The following RABGEF1 variants were observed in gnomAD, a reference collection of about 807,000 sequenced individuals.
RABGEF1 encodes the protein RAB guanine nucleotide exchange factor 1, also known as rab5 GDP/GTP exchange factor.
Under a neutral mutation model 57.3 loss-of-function variants are expected in RABGEF1, and 26 were observed. The observed-to-expected ratio is 0.45, with a 90% confidence interval of 0.33 to 0.63. The LOEUF (loss-of-function observed/expected upper bound fraction) is 0.63, where lower values mean the gene tolerates loss of function less well. RABGEF1 is among the 20% of genes least tolerant of loss of function. RABGEF1 has a pLI of 0.02. For synonymous variants in RABGEF1, 185 were observed against 210.7 expected (o/e 0.88, Z 1.06); for missense variants, 464 against 607.6 (o/e 0.76, Z 2.48).
chr7:66,691,340 T>G (rs1175620688), intron 1 of RABGEF1, among the ~76,000 whole-genome samples: 1 of 152,082 alleles, frequency 6.6e-6, no homozygotes, highest in African/African-American at 2.4e-5. Flanking sequence ...CAAAGCAGCT[T>G]TATTCCTAAA....
At chr7:66,756,158 G>A in intron 1 of RABGEF1, 3 of 877,854 alleles carry the variant, frequency 3.4e-6, no homozygotes, top group Non-Finnish European at 5.0e-6. Context: ...AGCAAAATCA[G>A]TTATTCAAAG....
chr7:66,741,839 G>GT (rs1415993648), intron 1 of RABGEF1, among the ~76,000 whole-genome samples: 5 of 152,136 alleles, frequency 3.3e-5, no homozygotes, highest in Non-Finnish European at 7.4e-5. Flanking sequence ...TTTAACTGCT[G>GT]TTAAAGAGTG....
At position 66,805,289 on chromosome 7, in the gene RABGEF1, T is replaced by C. The variant is rs748318404; in HGVS notation, c.970T>C (p.Leu324=). The C allele has an allele frequency of 3.1e-5, 50 of 1,614,164 alleles. No homozygotes were observed. The highest frequency in any genetic ancestry group is 4.2e-5 in the Non-Finnish European group (49 of 1,180,016). Residue 324 remains leucine (L), a synonymous_variant, in exon 8 of 9, where the codon TTG becomes CTG. Transcript: ENST00000284957. ...DFLPTLIYIV[L]KGNPPRLQSN... Reference sequence around the variant, plus strand: ...CCTCCCCACCCTCATCTACATTGTTTTGAAGGGCAACCCCCCACGCCTTCA... The same window carrying C: ...CCTCCCCACCCTCATCTACATTGTTCTGAAGGGCAACCCCCCACGCCTTCA...
Position 66,783,752 on chromosome 7 carries a change from T to C in RABGEF1, c.424T>C (p.Phe142Leu). 1 of 1,613,646 alleles carries C rather than the reference T, an allele frequency of 6.2e-7. No individual in the cohort carries two copies. Among genetic ancestry groups the C allele is most frequent in the Non-Finnish European group, 8.5e-7 (1 of 1,179,708 alleles). Residue 142 changes from phenylalanine to leucine, a missense_variant, in exon 4 of 9, where the codon TTC becomes CTC. This residue lies in a region of RABGEF1 where 284 missense variants were observed against 389.9 expected (regional missense o/e 0.73). Coordinates refer to ENST00000284957, the MANE Select transcript of RABGEF1 (RefSeq NM_014504.3). ...TGAAACGGATAGAGTGTCTAAGGAG[T>C]TCATAGAATTTCTCAAGACCTTCCA... Reference protein sequence around the residue: ...SIETDRVSKEFIEFLKTFHKT... With the variant: ...SIETDRVSKELIEFLKTFHKT...
intron 1 of RABGEF1, chr7:66,749,200 ATTGCCTGTATT>A (rs1800873897): frequency 6.6e-6 from 1 of 152,350 alleles, no homozygotes; most frequent in Admixed American, 6.5e-5. Context: ...AGTAAGTTGT[ATTGCCTGTATT>A]TTGCTCCAGC....
At chr7:66,776,200 G>T (rs1808488734) in intron 3 of RABGEF1, among the ~76,000 whole-genome samples, 1 of 152,176 alleles carries the variant, frequency 6.6e-6, no homozygotes, top group African/African-American at 2.4e-5. Context: ...TGTTCTCTGG[G>T]AGCCCCCTCA....
intron 1 of RABGEF1, among the ~76,000 whole-genome samples, chr7:66,708,538 C>T (rs865912763): frequency 1.3e-5 from 2 of 152,314 alleles, no homozygotes; most frequent in Middle Eastern, 3.4e-3. Context: ...ATCCGTCCAC[C>T]TCTACCTCCC....
chr7:66,801,329 T>C (rs1289872694), intron 7 of RABGEF1, among the ~76,000 whole-genome samples: 1 of 152,230 alleles, frequency 6.6e-6, no homozygotes, highest in Non-Finnish European at 1.5e-5. Flanking sequence ...TAATGAGTGG[T>C]AATTACCTTA....
At position 66,690,100 on chromosome 7, in the gene RABGEF1, CTTTTTTT is replaced by C. The variant is rs892888858; in HGVS notation, c.-873+7855_-873+7861del. 3.9e-3 allele frequency among the ~76,000 whole-genome samples: 480 copies of C among 124,208 alleles called. 1 individual carries two copies. Among genetic ancestry groups the C allele is most frequent in the Non-Finnish European group, 5.7e-3 (335 of 58,856 alleles). The allele number at this position is 124,208 out of a possible 152,430, so 81.5% of individuals were successfully genotyped here. A position where few individuals can be genotyped will look rare whatever the true frequency, so the allele number is the denominator to read the frequency against. ...TGTTTATAAACATTGATAAAAAATTCTTTTTTTTTTTTTTTTTTTGAGACGGAGTCTC... is the reference window on the plus strand; with the variant it reads ...TGTTTATAAACATTGATAAAAAATTCTTTTTTTTTTTTGAGACGGAGTCTC... On this transcript the variant is annotated intron_variant and NMD_transcript_variant, in intron 1 of 9. Transcript: ENST00000607882.
At chr7:66,802,150 C>G (rs1356596837) in intron 7 of RABGEF1, among the ~76,000 whole-genome samples, 1 of 152,156 alleles carries the variant, frequency 6.6e-6, no homozygotes, top group East Asian at 1.9e-4. Flanking sequence ...AGACTCACCT[C>G]CCTAAGTTAC....
At chr7:66,697,112 GT>G (rs1792468478) in intron 1 of RABGEF1, among the ~76,000 whole-genome samples, 1 of 152,180 alleles carries the variant, frequency 6.6e-6, no homozygotes, top group East Asian at 1.9e-4. Flanking sequence ...AGTCATGGTG[GT>G]GAGGGTGGAG....
chr7:66,729,680 C>T (rs1797084643), intron 2 of RABGEF1, among the ~76,000 whole-genome samples: 1 of 152,220 alleles, frequency 6.6e-6, no homozygotes, highest in Admixed American at 6.5e-5. Flanking sequence ...GCCACCATCA[C>T]CCATCCAGTC....
At chr7:66,673,628 G>A in the RABGEF1 span, among the ~76,000 whole-genome samples, 912 of 151,456 alleles carry the variant, frequency 6.0e-3, 4 homozygotes, top group Non-Finnish European at 0.01. Context: ...GTTGTATTAG[G>A]TCATAGACTA....
At chr7:66,783,902 T>G in intron 4 of RABGEF1, 61 bp downstream of exon 4, 1 of 1,447,680 alleles carries the variant, frequency 6.9e-7, no homozygotes, top group East Asian at 2.5e-5. Context: ...GTCTTAGAGA[T>G]AATATAGTGC....
intron 4 of RABGEF1, among the ~76,000 whole-genome samples, chr7:66,790,062 T>C (rs1051542640): frequency 6.6e-6 from 1 of 152,228 alleles, no homozygotes; most frequent in Non-Finnish European, 1.5e-5. Flanking sequence ...TGGCAGATAC[T>C]GAGGACTTGC....
At chr7:66,671,952 G>T in the RABGEF1 span, among the ~76,000 whole-genome samples, 11 of 151,968 alleles carry the variant, frequency 7.2e-5, no homozygotes, top group Non-Finnish European at 1.5e-4. Context: ...AAGTAGCTGG[G>T]AATAGAGGTG....
rs1226225180 is a variant in RABGEF1 at position 66,810,658 on chromosome 7, T to G, written c.*1374T>G. On this transcript the variant is annotated 3_prime_UTR_variant, in exon 9 of 9. Transcript: ENST00000284957. ...ATAACCTAAATATACCATTGATGATTCTTCTTCCATTCAGTGACATCCACA... is the reference window on the plus strand; with the variant it reads ...ATAACCTAAATATACCATTGATGATGCTTCTTCCATTCAGTGACATCCACA... The G allele has an allele frequency of 1.3e-5, 2 of 151,794 alleles. No individual in the cohort carries two copies. The highest frequency in any genetic ancestry group is 2.9e-5 in the Non-Finnish European group (2 of 67,896). The allele number at this position is 151,794 out of a possible 1,614,324, so 9.4% of individuals were successfully genotyped here. A position where few individuals can be genotyped will look rare whatever the true frequency, so the allele number is the denominator to read the frequency against.
chr7:66,768,704 A>G (rs1171735304), intron 1 of RABGEF1: 1 of 152,204 alleles, frequency 6.6e-6, no homozygotes, highest in Non-Finnish European at 1.5e-5. Flanking sequence ...TTTGGTACGG[A>G]ATAGCGTCAG....
At chr7:66,670,920 CACACAT>C in the RABGEF1 span, among the ~76,000 whole-genome samples, 3 of 151,934 alleles carry the variant, frequency 2.0e-5, no homozygotes, top group African/African-American at 7.3e-5. Flanking sequence ...CACACACACA[CACACAT>C]ATGTGCTCTG....
Sources: allele counts gnomAD v4.1 joint callset (sites outside exome capture counted in the v4.1 genomes callset), GRCh38; gene constraint gnomAD v4.1.1; regional missense constraint gnomAD v4.1.1; transcripts MANE v1.5; gene names NCBI Gene and HGNC (gene_info 2026-07-23, HGNC 2026-07-21).